Variants in TRIP4 observed in about 807,000 individuals in gnomAD.
TRIP4 encodes thyroid hormone receptor interactor 4.
Under a neutral mutation model 81.8 loss-of-function variants are expected in TRIP4, and 54 were observed. The ratio of observed to expected loss-of-function variants is 0.66; its 90% CI spans 0.53 to 0.83. The LOEUF is 0.83. Ranked by LOEUF, TRIP4 falls within the 40% of genes least tolerant of loss-of-function variation. The probability of loss-of-function intolerance (pLI) is 0.00; values close to 1 mark genes in which losing one functional copy is unlikely to be tolerated. For synonymous variants in TRIP4, 270 were observed against 242.8 expected, an observed-to-expected ratio of 1.11 and a Z score of -1.04; for missense variants, 662 against 683.6, an observed-to-expected ratio of 0.97 and a Z score of 0.35.
At position 64,448,954 on chromosome 15, in the gene TRIP4, A is replaced by C. The variant is rs567892004; in HGVS notation, c.1678+3846A>C. On this transcript the variant is annotated intron_variant, in intron 12 of 12. Transcript: ENST00000261884. ...GTCAGGCACAGTGGCTCATGTCTAT[A>C]ATCCCAGCACTTTAGGAATCTGAGG... Among the ~76,000 whole-genome samples, 434 of 152,304 alleles carry C rather than the reference A, an allele frequency of 2.8e-3. 6 individuals carry two copies. In the East Asian group the frequency reaches 0.039, roughly 14 times the overall value.
Position 64,418,606 on chromosome 15 carries a change from G to A in TRIP4, c.1236G>A (p.Glu412=), listed in dbSNP as rs1046135890. The A allele has an allele frequency of 2.3e-5, 37 of 1,613,604 alleles. No homozygotes were observed. The highest frequency in any genetic ancestry group is 3.1e-5 in the Non-Finnish European group (36 of 1,180,034). The change falls in exon 9 of 13, where the codon GAG becomes GAA. Residue 412 remains glutamate, a synonymous_variant. Transcript: ENST00000261884. ...KAFRSSGFGL[E]FNSFQHQLRI... ...TCCGTTCTTCAGGATTTGGACTAGA[G>A]TTCAACTCATTTCAGCACCAGTTGC... is the stretch of plus-strand genomic sequence containing the variant.
chr15:64,400,144 T>C (rs1033993194), intron 4 of TRIP4, among the ~76,000 whole-genome samples: 1 of 151,146 alleles, frequency 6.6e-6, no homozygotes, highest in African/African-American at 2.4e-5. Flanking sequence ...GAAGATGTCT[T>C]ATTAGAAAGA....
chr15:64,388,373 C>A (rs1013984537), intron 1 of TRIP4, among the ~76,000 whole-genome samples: 1 of 152,180 alleles, frequency 6.6e-6, no homozygotes, highest in Non-Finnish European at 1.5e-5. Context: ...GTGGCGCGAT[C>A]TTGGCTCACT....
chr15:64,414,844 C>T (rs974298491), intron 8 of TRIP4, among the ~76,000 whole-genome samples: 2 of 151,788 alleles, frequency 1.3e-5, no homozygotes, highest in Non-Finnish European at 2.9e-5. Context: ...ATTCACCAGG[C>T]GCACTTTGGG....
intron 10 of TRIP4, among the ~76,000 whole-genome samples, chr15:64,424,556 G>A (rs1049400291): frequency 6.6e-6 from 1 of 152,066 alleles, no homozygotes; most frequent in Non-Finnish European, 1.5e-5. Context: ...ATTGATTTAA[G>A]CAACGTATTT....
At chr15:64,447,697 C>G (rs1892664553) in intron 12 of TRIP4, among the ~76,000 whole-genome samples, 1 of 152,164 alleles carries the variant, frequency 6.6e-6, no homozygotes, top group Non-Finnish European at 1.5e-5. Context: ...GAAATCCTTT[C>G]TTTTCTCCAC....
Position 64,406,333 on chromosome 15 carries a change from TG to T in TRIP4, c.703del (p.Glu235ArgfsTer36). 1 of 1,613,026 alleles carries T rather than the reference TG, an allele frequency of 6.2e-7. No homozygotes were observed. Among genetic ancestry groups the T allele is most frequent in the Non-Finnish European group, 8.5e-7 (1 of 1,179,710 alleles). On this transcript the variant is annotated frameshift_variant, in exon 6 of 13. Transcript: ENST00000261884. LOFTEE classifies it high-confidence loss of function. ...TGACTTCCTTATTGAATTTCAGGAG[TG>T]GAGAATTCTGGAAAGGTGGACATCT... ...QKLLKKLMSG[V>X]ENSGKVDIST...
chr15:64,405,400 C>T (rs1368932627), intron 5 of TRIP4, among the ~76,000 whole-genome samples: 1 of 151,956 alleles, frequency 6.6e-6, no homozygotes, highest in South Asian at 2.1e-4. Context: ...ATGATCCGCC[C>T]GCCTCAGCCT....
chr15:64,452,767 G>T (rs934727965), intron 12 of TRIP4, among the ~76,000 whole-genome samples: 3 of 152,152 alleles, frequency 2.0e-5, no homozygotes, highest in Non-Finnish European at 4.4e-5. Flanking sequence ...ATATCATAGA[G>T]TTGGAAGGAA....
In TRIP4 at chr15:64,400,784, A is replaced by C. The variant is rs146954502; in HGVS notation, c.660A>C (p.Ser220=). ...AACAAGATATTTTACAGCGTGACTC[A>C]AACAAGAGCCAGAAACTGCTAAAGA... ...HEEQDILQRD[S]NKSQKLLKKL... The change falls in exon 5 of 13, where the codon TCA becomes TCC. Residue 220 remains serine, a synonymous_variant. Transcript: ENST00000261884. 7 of 1,614,050 alleles carry C rather than the reference A, an allele frequency of 4.3e-6. No homozygotes were observed. Among genetic ancestry groups the C allele is most frequent in the Non-Finnish European group, 5.9e-6 (7 of 1,180,018 alleles).
chr15:64,414,208 C>G lies in TRIP4; in HGVS notation c.1167C>G (p.Pro389=), dbSNP rs150985569. The G allele has an allele frequency of 1.9e-6, 3 of 1,613,932 alleles. No individual in the cohort carries two copies. Among genetic ancestry groups the G allele is most frequent in the Non-Finnish European group, 2.5e-6 (3 of 1,179,942 alleles). The change falls in exon 8 of 13, where the codon CCC becomes CCG. Residue 389 remains proline, a synonymous_variant. Transcript: ENST00000261884. ...ATCCCAACATGTACCAGTCCCCTCCCCAGGTTAGTGGACCTTTGCTCTAAC... is the reference window on the plus strand; with the variant it reads ...ATCCCAACATGTACCAGTCCCCTCCGCAGGTTAGTGGACCTTTGCTCTAAC... ...LVNPNMYQSP[P]QWVDHTGAAS...
chr15:64,440,053 T>TTA (rs146499854), intron 11 of TRIP4, among the ~76,000 whole-genome samples: 9,044 of 151,210 alleles, frequency 0.06, 868 homozygotes, highest in African/African-American at 0.21. Flanking sequence ...CAAAAGAAAT[T>TTA]TATATATATA....
At chr15:64,433,515 A>G (rs1484273529) in intron 11 of TRIP4, among the ~76,000 whole-genome samples, 2 of 152,130 alleles carry the variant, frequency 1.3e-5, no homozygotes, top group African/African-American at 4.8e-5. Context: ...GAGGCAGGAG[A>G]ATCACATGAA....
chr15:64,396,403 A>G (rs796416878), intron 3 of TRIP4, among the ~76,000 whole-genome samples: 1 of 150,204 alleles, frequency 6.7e-6, no homozygotes, highest in African/African-American at 2.5e-5. Context: ...CAGTCTCCCA[A>G]GTAGCTGTGA....
chr15:64,418,501 G>A (rs779552372), intron 8 of TRIP4, 40 bp from the exon 9 acceptor site: 2 of 1,530,198 alleles, frequency 1.3e-6, no homozygotes, highest in South Asian at 1.3e-5. Context: ...CCAGATTCTT[G>A]CCTTATAAGA....
chr15:64,413,794 G>A (rs866164883), intron 7 of TRIP4, among the ~76,000 whole-genome samples: 1 of 151,572 alleles, frequency 6.6e-6, no homozygotes, highest in African/African-American at 2.4e-5. Context: ...CACCATGTTG[G>A]CCAGGATGGT....
At chr15:64,450,781 G>T in intron 12 of TRIP4, 1 of 455,850 alleles carries the variant, frequency 2.2e-6, no homozygotes, top group Non-Finnish European at 4.4e-6. Flanking sequence ...ATTGAAGCCA[G>T]AGATTAGTCT....
intron 6 of TRIP4, 53 bp downstream of exon 6, chr15:64,406,512 C>G: frequency 3.2e-6 from 5 of 1,585,044 alleles, no homozygotes; most frequent in Non-Finnish European, 4.3e-6. Context: ...TCCACAGATT[C>G]TGGCCATTAT....
chr15:64,419,180 A>G (rs1456812011), intron 9 of TRIP4, among the ~76,000 whole-genome samples: 6 of 152,268 alleles, frequency 3.9e-5, no homozygotes, highest in South Asian at 2.1e-4. Context: ...TCCTGTCCAT[A>G]TATCTAACTA....
Sources: gnomAD v4.1 joint callset for allele counts (sites outside exome capture counted in the v4.1 genomes callset) on GRCh38, gnomAD v4.1.1 for gene constraint, MANE v1.5 for transcripts, NCBI Gene and HGNC (gene_info 2026-07-23, HGNC 2026-07-21) for gene names.